GYPB: variants seen among roughly 807,000 people sequenced by gnomAD.
GYPB encodes glycophorin-B.
In GYPB, 13 loss-of-function variants were observed where a neutral mutation model predicts 15.3. The ratio of observed to expected loss-of-function variants is 0.85; its 90% CI spans 0.55 to 1.35. The LOEUF is 1.35. Among genes scored for constraint, GYPB ranks in the 40% most tolerant of loss-of-function variants. The pLI is 0.00. For missense variants in GYPB, 131 were observed against 108.3 expected (o/e 1.21, Z -0.93); for synonymous variants, 38 against 36.9 (o/e 1.03, Z -0.11).
Position 144,013,853 on chromosome 4 carries a change from A to G in GYPB, c.37+5398T>C, listed in dbSNP as rs552477499. 6.6e-5 allele frequency among the ~76,000 whole-genome samples: 10 copies of G among 150,948 alleles called. 1 individual carries two copies. Among genetic ancestry groups the G allele is most frequent in the African/African-American group, 1.2e-4 (5 of 40,288 alleles). ...GAGTTAGTGGGTGCAGTGCACCAGCATGGCACATGTATACATATGTAACCT... is the reference window on the plus strand; with the variant it reads ...GAGTTAGTGGGTGCAGTGCACCAGCGTGGCACATGTATACATATGTAACCT... On this transcript the variant is annotated intron_variant, in intron 1 of 4. Transcript: ENST00000502664.
At chr4:143,998,926 G>T (rs920161385) in intron 3 of GYPB, among the ~76,000 whole-genome samples, 14 of 150,020 alleles carry the variant, frequency 9.3e-5, no homozygotes, top group Admixed American at 9.3e-4. Flanking sequence ...TTGTTTTTGA[G>T]ACAGGGTCTT....
At chr4:144,001,513 G>A (rs888188227) in intron 1 of GYPB, among the ~76,000 whole-genome samples, 1 of 151,384 alleles carries the variant, frequency 6.6e-6, no homozygotes, top group African/African-American at 2.5e-5. Context: ...GTACAGCAGA[G>A]GTTTACAGAT....
chr4:144,003,836 T>G (rs1477430044), intron 1 of GYPB, among the ~76,000 whole-genome samples: 1 of 151,368 alleles, frequency 6.6e-6, no homozygotes, highest in Admixed American at 6.6e-5. Flanking sequence ...AAAGCTGGAC[T>G]CAGACCCTAA....
In GYPB at chr4:143,997,607, A is replaced by C. The variant is rs199819830; in HGVS notation, c.203T>G (p.Leu68Trp). The change falls in exon 4 of 5, where the codon TTG (leucine) becomes TGG (tryptophan). Residue 68 changes from leucine (L) to tryptophan (W), a missense_variant. Transcript: ENST00000502664. ...TCCAATAATACCAGCCATCACACACAAAATAATGAGTATTATCACTACAGG... is the reference window on the plus strand; with the variant it reads ...TCCAATAATACCAGCCATCACACACCAAATAATGAGTATTATCACTACAGG... ...PAPVVIILII[L>W]CVMAGIIGTI... The C allele has an allele frequency of 2.2e-4, 354 of 1,591,078 alleles. 2 individuals carry two copies. Among genetic ancestry groups the C allele is most frequent in the Non-Finnish European group, 2.9e-4 (333 of 1,161,546 alleles).
intron 2 of GYPB, chr4:144,000,029 CT>C (rs1441951647): frequency 5.3e-6 from 1 of 188,590 alleles, no homozygotes; most frequent in African/African-American, 2.4e-5. Context: ...CCACATCCTA[CT>C]TTTGTCTCTG....
intron 1 of GYPB, among the ~76,000 whole-genome samples, chr4:144,005,049 C>G (rs1248358966): frequency 6.6e-6 from 1 of 151,956 alleles, no homozygotes; most frequent in Non-Finnish European, 1.5e-5. Flanking sequence ...TCTCAGCTTT[C>G]TGTAGCTAAA....
In GYPB at chr4:144,004,941, C is replaced by T. The variant is rs182457000; in HGVS notation, c.38-3658G>A. Among the ~76,000 whole-genome samples, 1,295 of 151,824 alleles carry T rather than the reference C, an allele frequency of 8.5e-3. 83 individuals carry two copies. Among genetic ancestry groups the T allele is most frequent in the African/African-American group, 0.03 (1,230 of 41,036 alleles). On this transcript the variant is annotated intron_variant, in intron 1 of 4. Transcript: ENST00000502664. ...TGGGTAGAAAGCATTTAAGCAAACTCGTAACCATTGAACAACAAACTTTAG... is the reference window on the plus strand; with the variant it reads ...TGGGTAGAAAGCATTTAAGCAAACTTGTAACCATTGAACAACAAACTTTAG...
intron 1 of GYPB, among the ~76,000 whole-genome samples, chr4:144,009,601 C>CTTTTTTTTTTTTTTTTTTTTTTTT (rs55807150): frequency 1.7e-5 from 1 of 57,782 alleles, no homozygotes; most frequent in Non-Finnish European, 2.8e-5. Context: ...TTTTTTCTTT[C>CTTTTTTTTTTTTTTTTTTTTTTTT]TTTTTTTTTT....
intron 1 of GYPB, 142 bp from the exon 2 acceptor site, chr4:144,001,425 G>C: frequency 6.8e-7 from 1 of 1,461,442 alleles, no homozygotes; most frequent in Non-Finnish European, 9.4e-7. Context: ...ATAATCTTTA[G>C]AGAATTGCTG....
At chr4:144,010,300 C>G (rs1728152124) in intron 1 of GYPB, among the ~76,000 whole-genome samples, 1 of 151,174 alleles carries the variant, frequency 6.6e-6, no homozygotes, top group Non-Finnish European at 1.5e-5. Flanking sequence ...CCCATATTTA[C>G]AAATTAAATA....
In GYPB at chr4:144,013,985, A is replaced by G. The variant is rs577611536; in HGVS notation, c.37+5266T>C. Among the ~76,000 whole-genome samples, 79 of 151,728 alleles carry G rather than the reference A, an allele frequency of 5.2e-4. 2 individuals carry two copies. Among genetic ancestry groups the G allele is most frequent in the African/African-American group, 1.8e-3 (74 of 40,966 alleles). ...CAAAGATATGCAAAATGCAGTTACC[A>G]ACAATTACATGAGAAGATTCTCAGC... On this transcript the variant is annotated intron_variant, in intron 1 of 4. Transcript: ENST00000502664.
intron 1 of GYPB, chr4:144,008,422 T>C (rs1269536514): frequency 6.6e-6 from 3 of 455,394 alleles, no homozygotes; most frequent in Non-Finnish European, 1.3e-5. Context: ...AGGAGTGTTG[T>C]ACCTCTAACA....
In GYPB at chr4:144,016,846, G is replaced by A. The variant is rs187298238; in HGVS notation, c.37+2405C>T. ...GCTCTTGCTCTTCCCTCTGCCTTCT[G>A]TCCTCTTCTCCCAGAATTTTCAGGG... On this transcript the variant is annotated intron_variant, in intron 1 of 4. Coordinates refer to ENST00000502664, the MANE Select transcript of GYPB (RefSeq NM_002100.6). The A allele has an allele frequency of 1.9e-3, 816 of 423,212 alleles. 17 individuals are homozygous for A. The highest frequency in any genetic ancestry group is 0.017 in the African/African-American group (725 of 43,548). 26.2% of individuals were successfully genotyped at this position (423,212 alleles called of 1,614,324 possible). A position where few individuals can be genotyped will look rare whatever the true frequency, so the allele number is the denominator to read the frequency against.
At chr4:144,018,842 G>C (rs1270772305) in intron 1 of GYPB, among the ~76,000 whole-genome samples, 1 of 150,926 alleles carries the variant, frequency 6.6e-6, no homozygotes, top group East Asian at 1.9e-4. Context: ...GCAGAAATAG[G>C]AAATTACACC....
At chr4:144,017,132 C>G (rs1364134844) in intron 1 of GYPB, among the ~76,000 whole-genome samples, 5 of 150,788 alleles carry the variant, frequency 3.3e-5, no homozygotes, top group East Asian at 3.9e-4. Context: ...TCTTCCTGCC[C>G]TGGGCTCAGT....
In GYPB at chr4:144,015,871, A is replaced by G. The variant is rs149307798; in HGVS notation, c.37+3380T>C. Among the ~76,000 whole-genome samples the G allele has an allele frequency of 1.0e-3, 153 of 151,224 alleles. 6 individuals are homozygous for G. Among genetic ancestry groups the G allele is most frequent in the African/African-American group, 3.5e-3 (143 of 40,566 alleles). ...ATCTACTCGGTGCTTGATTGAATAG[A>G]CACAGGAAAACTGAGGCCCACAGGT... On this transcript the variant is annotated intron_variant, in intron 1 of 4. Transcript: ENST00000502664.
At chr4:144,013,703 G>A (rs1345785020) in intron 1 of GYPB, among the ~76,000 whole-genome samples, 4 of 149,754 alleles carry the variant, frequency 2.7e-5, no homozygotes, top group Non-Finnish European at 4.4e-5. Flanking sequence ...CTCACTCATA[G>A]GTGGGAATTG....
At chr4:143,995,513 A>T (rs1241814844), downstream of GYPB, among the ~76,000 whole-genome samples, 13 of 151,276 alleles carry the variant, frequency 8.6e-5, no homozygotes, top group South Asian at 6.2e-4. Context: ...CCTTTGGTTT[A>T]ACCTGTCCTT....
chr4:144,007,647 C>T (rs1727990658), intron 1 of GYPB, among the ~76,000 whole-genome samples: 2 of 151,576 alleles, frequency 1.3e-5, no homozygotes, highest in Non-Finnish European at 1.5e-5. Context: ...TTTCTGTCCA[C>T]TGTCCCAGTG....
Sources: allele counts gnomAD v4.1 joint callset (sites outside exome capture counted in the v4.1 genomes callset), GRCh38; gene constraint gnomAD v4.1.1; transcripts MANE v1.5; gene names NCBI Gene and HGNC (gene_info 2026-07-23, HGNC 2026-07-21).